The following SMYD3 variants were observed in gnomAD, a reference collection of about 807,000 sequenced individuals.
The protein encoded by SMYD3 is SET and MYND domain containing 3.
A neutral mutation model predicts 57.7 loss-of-function variants in SMYD3; 36 were observed. The ratio of observed to expected loss-of-function variants is 0.62; its 90% CI spans 0.48 to 0.82. The LOEUF (loss-of-function observed/expected upper bound fraction) is 0.82, where lower values mean the gene tolerates loss of function less well. Among genes scored for constraint, SMYD3 ranks in the 40% least tolerant of loss-of-function variants. SMYD3 has a pLI of 0.00. For missense variants in SMYD3, 515 were observed against 538.8 expected, an observed-to-expected ratio of 0.96 and a Z score of 0.44; for synonymous variants, 211 against 195.0, an observed-to-expected ratio of 1.08 and a Z score of -0.68.
intron 10 of SMYD3, among the ~76,000 whole-genome samples, chr1:245,849,779 G>A (rs2050865632): frequency 6.6e-6 from 1 of 151,994 alleles, no homozygotes. Flanking sequence ...CATCCTCCCT[G>A]GTGGCTGGGA....
At chr1:245,834,417 C>T (rs1036218986) in intron 10 of SMYD3, among the ~76,000 whole-genome samples, 1 of 152,168 alleles carries the variant, frequency 6.6e-6, no homozygotes, top group Non-Finnish European at 1.5e-5. Flanking sequence ...AAAATCGTAT[C>T]AGAGCTGCCT....
At chr1:246,066,549 T>C (rs2787975) in intron 5 of SMYD3, among the ~76,000 whole-genome samples, 129,473 of 152,170 alleles carry the variant, frequency 0.85, 55,274 homozygotes, top group Admixed American at 0.89. Context: ...GACAATGACC[T>C]GTGACCTAGA....
At chr1:246,481,667 T>C (rs1380607127) in intron 1 of SMYD3, among the ~76,000 whole-genome samples, 1 of 135,106 alleles carries the variant, frequency 7.4e-6, no homozygotes, top group Non-Finnish European at 1.6e-5. Context: ...TATATAATTA[T>C]ATATATAAAC....
chr1:245,859,272 T>G (rs951764499), intron 9 of SMYD3, among the ~76,000 whole-genome samples: 17 of 152,178 alleles, frequency 1.1e-4, no homozygotes, highest in Non-Finnish European at 5.9e-5. Context: ...CAGCCTGTAC[T>G]TAACCAAATA....
intron 5 of SMYD3, among the ~76,000 whole-genome samples, chr1:246,110,399 C>T (rs1020553246): frequency 3.9e-5 from 6 of 152,202 alleles, no homozygotes; most frequent in Admixed American, 3.9e-4. Context: ...GAATGGCAGA[C>T]AGCTGAAAGA....
chr1:246,101,689 G>T (rs1274633408), intron 5 of SMYD3, among the ~76,000 whole-genome samples: 1 of 152,086 alleles, frequency 6.6e-6, no homozygotes, highest in Non-Finnish European at 1.5e-5. Flanking sequence ...ATTTCATTTT[G>T]CTTCTTTTTC....
chr1:246,074,484 G>A (rs1216063193), intron 5 of SMYD3, among the ~76,000 whole-genome samples: 1 of 151,948 alleles, frequency 6.6e-6, no homozygotes, highest in Non-Finnish European at 1.5e-5. Flanking sequence ...TATAAGCTCT[G>A]GATTCGACAT....
chr1:246,096,494 G>A (rs979713191), intron 5 of SMYD3: 12 of 152,274 alleles, frequency 7.9e-5, no homozygotes, highest in African/African-American at 2.9e-4. Flanking sequence ...ATGACGATGG[G>A]AAGAATGAAG....
intron 5 of SMYD3, among the ~76,000 whole-genome samples, chr1:246,002,419 C>T (rs1446997458): frequency 3.8e-5 from 2 of 52,262 alleles, no homozygotes; most frequent in Non-Finnish European, 4.6e-5. Context: ...CTCCTGACCT[C>T]GTGATCCACC....
intron 5 of SMYD3, among the ~76,000 whole-genome samples, chr1:246,171,944 G>A (rs531702827): frequency 7.9e-5 from 12 of 152,306 alleles, no homozygotes; most frequent in Non-Finnish European, 1.0e-4. Context: ...CCAGGAGTTC[G>A]AGGCTACAGT....
At chr1:246,055,173 C>T (rs1314548872) in intron 5 of SMYD3, among the ~76,000 whole-genome samples, 1 of 143,762 alleles carries the variant, frequency 7.0e-6, no homozygotes, top group Admixed American at 6.7e-5. Context: ...AAGACTCTGT[C>T]TCAGAAAAAA....
intron 5 of SMYD3, among the ~76,000 whole-genome samples, chr1:246,268,404 A>G (rs1254893086): frequency 6.6e-6 from 1 of 152,152 alleles, no homozygotes; most frequent in Non-Finnish European, 1.5e-5. Context: ...TTAGCATATC[A>G]TTAGGAAATA....
At position 246,039,559 on chromosome 1, in the gene SMYD3, A is replaced by G. The variant is rs182996495; in HGVS notation, c.532-109622T>C. Among the ~76,000 whole-genome samples the G allele has an allele frequency of 3.9e-5, 6 of 152,346 alleles. No individual in the cohort carries two copies. The East Asian group carries it at 1.2e-3, about 29-fold the overall frequency. ...GGATTGCTGTATCCCTCAAACTGAT[A>G]CTACAAACTGAGATTTCATGTCTCC... On this transcript the variant is annotated intron_variant, in intron 5 of 11. Coordinates refer to ENST00000490107, the MANE Select transcript of SMYD3 (RefSeq NM_001167740.2).
intron 5 of SMYD3, among the ~76,000 whole-genome samples, chr1:246,118,595 A>G (rs1394172829): frequency 6.6e-6 from 1 of 152,222 alleles, no homozygotes; most frequent in Non-Finnish European, 1.5e-5. Flanking sequence ...TGCTGGTTTC[A>G]TACCCTTTCC....
At chr1:246,208,078 T>C (rs1383133907) in intron 5 of SMYD3, among the ~76,000 whole-genome samples, 2 of 151,972 alleles carry the variant, frequency 1.3e-5, no homozygotes. Flanking sequence ...GCTGGGAAAA[T>C]AGGTGAGATT....
At chr1:246,100,418 G>C (rs865925638) in intron 5 of SMYD3, among the ~76,000 whole-genome samples, 7 of 152,198 alleles carry the variant, frequency 4.6e-5, no homozygotes, top group Non-Finnish European at 8.8e-5. Flanking sequence ...TCCAAGGCCT[G>C]TGGACGTCTC....
At chr1:246,394,606 A>C (rs895511534) in intron 1 of SMYD3, among the ~76,000 whole-genome samples, 2 of 152,222 alleles carry the variant, frequency 1.3e-5, no homozygotes, top group African/African-American at 2.4e-5. Context: ...TATTGTTGTA[A>C]AGACTGAACA....
intron 10 of SMYD3, among the ~76,000 whole-genome samples, chr1:245,821,765 A>G (rs1390372859): frequency 1.3e-5 from 2 of 152,178 alleles, no homozygotes; most frequent in African/African-American, 4.8e-5. Flanking sequence ...TCAAAAGAAG[A>G]CATTTATGCA....
intron 5 of SMYD3, among the ~76,000 whole-genome samples, chr1:246,065,216 T>C (rs1361045799): frequency 6.6e-6 from 1 of 152,220 alleles, no homozygotes; most frequent in Non-Finnish European, 1.5e-5. Flanking sequence ...TCCTCCTAGT[T>C]CTTCAGCTCA....
Sources: allele counts gnomAD v4.1 joint callset (sites outside exome capture counted in the v4.1 genomes callset), GRCh38; gene constraint gnomAD v4.1.1; transcripts MANE v1.5; gene names NCBI Gene and HGNC (gene_info 2026-07-23, HGNC 2026-07-21).